The following ANKRD39 variants were observed in gnomAD, a reference collection of about 807,000 sequenced individuals.
The protein encoded by ANKRD39 is ankyrin repeat domain-containing protein 39.
In ANKRD39, 18 loss-of-function variants were observed where a neutral mutation model predicts 20.3. The ratio of observed to expected loss-of-function variants is 0.89; its 90% CI spans 0.61 to 1.32. The LOEUF (loss-of-function observed/expected upper bound fraction) is 1.32. Ranked by LOEUF, ANKRD39 falls within the 40% of genes most tolerant of loss-of-function variation. The pLI is 0.00. For missense variants in ANKRD39, 243 were observed against 250.7 expected (o/e 0.97, Z 0.21); for synonymous variants, 106 against 111.9 (o/e 0.95, Z 0.33).
Position 96,848,225 on chromosome 2 carries a change from T to G in ANKRD39, c.*76A>C, listed in dbSNP as rs999468759. 5.8e-5 allele frequency: 91 copies of G among 1,577,124 alleles called. No homozygotes were observed. Among genetic ancestry groups the G allele is most frequent in the Non-Finnish European group, 7.7e-5 (89 of 1,156,468 alleles). On this transcript the variant is annotated 3_prime_UTR_variant, in exon 4 of 4. Transcript: ENST00000393537. Reference sequence around the variant, plus strand: ...GGCCTCAGTTCCCTGCCCAGCAGCATGGATGCTGACCAAGGCAGGGGCTTG... The same window carrying G: ...GGCCTCAGTTCCCTGCCCAGCAGCAGGGATGCTGACCAAGGCAGGGGCTTG...
At chr2:96,857,388 G>A (rs982348654) in intron 1 of ANKRD39, among the ~76,000 whole-genome samples, 1 of 152,196 alleles carries the variant, frequency 6.6e-6, no homozygotes, top group African/African-American at 2.4e-5. Context: ...TCCCACAGAT[G>A]AGATACTGTG....
In ANKRD39 at chr2:96,848,454, G is replaced by C; in HGVS notation, c.409-10C>G. 1 of 1,613,710 alleles carries C rather than the reference G, an allele frequency of 6.2e-7. No individual in the cohort carries two copies. Among genetic ancestry groups the C allele is most frequent in the Non-Finnish European group, 8.5e-7 (1 of 1,179,692 alleles). ...GACCCCTCTCAGCAGCCTGTGGAGA[G>C]AAAGGCTGGAATCAAAGGGCATACC... On this transcript the variant is annotated splice_polypyrimidine_tract_variant and intron_variant, in intron 3 of 3. Coordinates refer to ENST00000393537, the MANE Select transcript of ANKRD39 (RefSeq NM_016466.6).
intron 3 of ANKRD39, among the ~76,000 whole-genome samples, chr2:96,848,646 C>A (rs1043498821): frequency 6.6e-6 from 1 of 152,126 alleles, no homozygotes; most frequent in African/African-American, 2.4e-5. Context: ...CATGGTGAAA[C>A]CCCATCTCTA....
intron 1 of ANKRD39, among the ~76,000 whole-genome samples, chr2:96,857,312 C>A (rs1440097967): frequency 6.6e-6 from 1 of 152,348 alleles, no homozygotes; most frequent in Non-Finnish European, 1.5e-5. Context: ...GGTTTCCCGC[C>A]TTCCTCTGTT....
Position 96,848,502 on chromosome 2 carries a change from CTT to C in ANKRD39, c.409-60_409-59del, listed in dbSNP as rs1013406367. ...ACCCCCCCACTGGGCTCTGCTCTCTCTTGTTCCACTTTCAGTGGTTCTTCCTT... is the reference window on the plus strand; with the variant it reads ...ACCCCCCCACTGGGCTCTGCTCTCTCGTTCCACTTTCAGTGGTTCTTCCTT... On this transcript the variant is annotated intron_variant, in intron 3 of 3. Transcript: ENST00000393537. 1.8e-5 allele frequency: 28 copies of C among 1,592,600 alleles called. No individual in the cohort carries two copies. The East Asian group carries it at 3.4e-4, about 19-fold the overall frequency.
At chr2:96,854,671 A>C (rs2079854699) in intron 1 of ANKRD39, among the ~76,000 whole-genome samples, 1 of 152,258 alleles carries the variant, frequency 6.6e-6, no homozygotes, top group Non-Finnish European at 1.5e-5. Flanking sequence ...GCGGACACAG[A>C]CATCTCCATC....
intron 1 of ANKRD39, among the ~76,000 whole-genome samples, chr2:96,857,490 T>A (rs889182230): frequency 1.3e-5 from 2 of 152,236 alleles, no homozygotes; most frequent in African/African-American, 4.8e-5. Flanking sequence ...GCCACTGCTC[T>A]CCTTCACCGC....
chr2:96,856,878 T>A (rs148891623), intron 1 of ANKRD39, among the ~76,000 whole-genome samples: 7 of 151,812 alleles, frequency 4.6e-5, no homozygotes, highest in African/African-American at 1.5e-4. Flanking sequence ...CAGGAAAAGG[T>A]CTTGCATATT....
At chr2:96,851,160 T>G (rs2153359696) in intron 3 of ANKRD39, among the ~76,000 whole-genome samples, 1 of 151,548 alleles carries the variant, frequency 6.6e-6, no homozygotes, top group East Asian at 2.0e-4. Context: ...CACCTGGCTT[T>G]TGTTTTTTTT....
intron 1 of ANKRD39, among the ~76,000 whole-genome samples, chr2:96,854,887 G>C (rs905889503): frequency 2.0e-5 from 3 of 152,186 alleles, no homozygotes; most frequent in Non-Finnish European, 4.4e-5. Context: ...GCCTCCCAAA[G>C]TGCTGGGATT....
At chr2:96,854,265 C>A in intron 2 of ANKRD39, 73 bp downstream of exon 2, 2 of 1,437,530 alleles carry the variant, frequency 1.4e-6, no homozygotes, top group East Asian at 4.7e-5. Context: ...ACCATCAGTC[C>A]CCCTCCTCAG....
At chr2:96,852,526 A>C (rs959367562) in intron 3 of ANKRD39, among the ~76,000 whole-genome samples, 1 of 150,884 alleles carries the variant, frequency 6.6e-6, no homozygotes, top group African/African-American at 2.4e-5. Context: ...AAAAAAAAAA[A>C]AAAACCTGGA....
At chr2:96,857,021 ATGATG>A (rs763551405) in intron 1 of ANKRD39, among the ~76,000 whole-genome samples, 1 of 152,122 alleles carries the variant, frequency 6.6e-6, no homozygotes, top group Non-Finnish European at 1.5e-5. Context: ...ATAACAGGGA[ATGATG>A]TGATTTCTAA....
intron 3 of ANKRD39, 88 bp from the exon 4 acceptor site, chr2:96,848,532 A>G (rs2079821641): frequency 3.9e-6 from 6 of 1,543,800 alleles, no homozygotes; most frequent in African/African-American, 1.4e-5. Flanking sequence ...TCTTCCTTCT[A>G]AAAAAGAGGC....
chr2:96,857,959 C>T lies in ANKRD39; in HGVS notation c.29G>A (p.Gly10Glu). 6.4e-7 allele frequency: 1 copy of T among 1,567,588 alleles called. No homozygotes were observed. The highest frequency in any genetic ancestry group is 8.6e-7 in the Non-Finnish European group (1 of 1,164,144). The change falls in exon 1 of 4, where the codon GGG (glycine) becomes GAG (glutamate). Residue 10 changes from glycine (G) to glutamate (E), a missense_variant. Gly to Glu is a moderately conservative substitution (Grantham distance 98, BLOSUM62 -2). Coordinates refer to ENST00000393537, the MANE Select transcript of ANKRD39 (RefSeq NM_016466.6). MATPRPCAD[G>E]PCCSHPSAVL... is the part of the protein sequence containing the mutation. ...CGCGCTGGGATGCGAGCAGCAGGGC[C>T]CGTCCGCGCAGGGCCGAGGCGTCGC...
chr2:96,854,667 A>T (rs2079854672), intron 1 of ANKRD39, among the ~76,000 whole-genome samples: 1 of 152,258 alleles, frequency 6.6e-6, no homozygotes, highest in Admixed American at 6.5e-5. Flanking sequence ...CTGGGCGGAC[A>T]CAGACATCTC....
At position 96,849,607 on chromosome 2, in the gene ANKRD39, G is replaced by A. The variant is rs561474332; in HGVS notation, c.409-1163C>T. Among the ~76,000 whole-genome samples, 5 of 152,138 alleles carry A rather than the reference G, an allele frequency of 3.3e-5. No homozygotes were observed. In the East Asian group the frequency reaches 7.8e-4, roughly 24 times the overall value. On this transcript the variant is annotated intron_variant, in intron 3 of 3. Transcript: ENST00000393537. ...AGAGGTTGCAGTGAGCCGAGATCGC[G>A]CCACTGCACTCCAGCCTGGGGGACA...
At chr2:96,853,378 T>C (rs1230372448) in intron 3 of ANKRD39, 23 bp downstream of exon 3, 1 of 1,553,726 alleles carries the variant, frequency 6.4e-7, no homozygotes, top group Middle Eastern at 1.7e-4. Flanking sequence ...AAACGACATT[T>C]TTGGAAGGGG....
intron 1 of ANKRD39, among the ~76,000 whole-genome samples, chr2:96,856,273 G>A (rs1037239187): frequency 5.3e-5 from 8 of 152,092 alleles, no homozygotes; most frequent in Non-Finnish European, 8.8e-5. Context: ...GGAGTTCCGA[G>A]ATCAGCCTGA....
Sources: gnomAD v4.1 joint callset for allele counts (sites outside exome capture counted in the v4.1 genomes callset) on GRCh38, gnomAD v4.1.1 for gene constraint, MANE v1.5 for transcripts, NCBI Gene and HGNC (gene_info 2026-07-23, HGNC 2026-07-21) for gene names.